Variants in TSPEAR observed in about 807,000 individuals in gnomAD.
TSPEAR encodes the protein thrombospondin type laminin G domain and EAR repeats.
Under a neutral mutation model 71.6 loss-of-function variants are expected in TSPEAR, and 69 were observed. The ratio of observed to expected loss-of-function variants is 0.96; its 90% CI spans 0.79 to 1.18. The LOEUF is 1.18. Among genes scored for constraint, TSPEAR ranks in the 50% most tolerant of loss-of-function variants. The probability of loss-of-function intolerance (pLI) is 0.00; values close to 1 mark genes in which losing one functional copy is unlikely to be tolerated. For missense variants in TSPEAR, 971 were observed against 894.9 expected (o/e 1.09, Z -1.09); for synonymous variants, 402 against 387.2 (o/e 1.04, Z -0.45).
chr21:44,545,345 TAAA>T (rs1160153692), intron 2 of TSPEAR, among the ~76,000 whole-genome samples: 1 of 147,386 alleles, frequency 6.8e-6, no homozygotes, highest in Non-Finnish European at 1.5e-5. Context: ...ATTAATTAAT[TAAA>T]AAAAAAAGAA....
chr21:44,557,671 C>T (rs1295894989), intron 2 of TSPEAR: 5 of 266,886 alleles, frequency 1.9e-5, no homozygotes, highest in South Asian at 1.2e-4. Context: ...GGACTGCCTC[C>T]GCCCCTGGTG....
At chr21:44,569,687 C>A (rs9975133) in intron 1 of TSPEAR, among the ~76,000 whole-genome samples, 1,757 of 152,208 alleles carry the variant, frequency 0.012, 35 homozygotes, top group African/African-American at 0.04. Context: ...TGTGAGGAGG[C>A]TTTGCCGCTT....
Position 44,642,742 on chromosome 21 carries a change from T to C in TSPEAR, c.82+68691A>G, listed in dbSNP as rs1356297777. Among the ~76,000 whole-genome samples, 3 of 151,932 alleles carry C rather than the reference T, an allele frequency of 2.0e-5. No homozygotes were observed. Among genetic ancestry groups the C allele is most frequent in the Admixed American group, 1.3e-4 (2 of 15,254 alleles). The stretch of plus-strand genomic sequence containing the variant: ...CTGTAGTCCCAGCTACCTGGGAGGC[T>C]GAGGCAGGAGAATGGCGTGAACCTG... On this transcript the variant is annotated intron_variant, in intron 1 of 11. Coordinates refer to ENST00000323084, the MANE Select transcript of TSPEAR (RefSeq NM_144991.3). This position sits in a 1 kb window ranked among gnomAD's most constrained non-coding sequence, Gnocchi z 4.1.
chr21:44,582,719 T>C (rs1979066336), intron 1 of TSPEAR, among the ~76,000 whole-genome samples: 1 of 152,240 alleles, frequency 6.6e-6, no homozygotes, highest in African/African-American at 2.4e-5. Context: ...GACGTGTCTT[T>C]TTGGATCATG....
At chr21:44,633,710 A>G (rs767745943) in intron 1 of TSPEAR, among the ~76,000 whole-genome samples, 11 of 152,190 alleles carry the variant, frequency 7.2e-5, no homozygotes, top group Non-Finnish European at 1.5e-4. Flanking sequence ...AATGTTTTAT[A>G]CACGGCCATA....
intron 1 of TSPEAR, among the ~76,000 whole-genome samples, chr21:44,667,564 G>T (rs1412030237): frequency 1.3e-5 from 2 of 152,220 alleles, no homozygotes; most frequent in African/African-American, 4.8e-5. Context: ...ACAGCTCTAA[G>T]GAAATCAAGC....
chr21:44,639,504 G>A (rs2146225194), intron 1 of TSPEAR, among the ~76,000 whole-genome samples: 1 of 152,328 alleles, frequency 6.6e-6, no homozygotes, highest in Non-Finnish European at 1.5e-5. Context: ...CCGTCCCCAG[G>A]GCTGGTGGCC....
intron 1 of TSPEAR, among the ~76,000 whole-genome samples, chr21:44,573,455 G>A (rs1978291986): frequency 6.6e-6 from 1 of 152,186 alleles, no homozygotes; most frequent in Admixed American, 6.5e-5. Flanking sequence ...GAGCAAAGCA[G>A]CACAGCCTGA....
At chr21:44,521,781 G>T in intron 9 of TSPEAR, 102 bp downstream of exon 9, 1 of 1,125,200 alleles carries the variant, frequency 8.9e-7, no homozygotes, top group Non-Finnish European at 1.3e-6. Flanking sequence ...CACTAGGTTT[G>T]GCTCTCGGTG....
chr21:44,566,380 G>A (rs955686528), intron 2 of TSPEAR, among the ~76,000 whole-genome samples: 1 of 151,988 alleles, frequency 6.6e-6, no homozygotes, highest in South Asian at 2.1e-4. Context: ...AGCATCATAC[G>A]TTCATTAATC....
intron 8 of TSPEAR, among the ~76,000 whole-genome samples, chr21:44,522,833 G>C (rs1243594259): frequency 3.3e-5 from 5 of 152,236 alleles, no homozygotes; most frequent in African/African-American, 7.2e-5. Context: ...CCACACACCT[G>C]GCCATGCCAG....
intron 8 of TSPEAR, among the ~76,000 whole-genome samples, chr21:44,524,678 TAATTAGTC>T (rs2052810831): frequency 1.4e-5 from 2 of 140,744 alleles, no homozygotes; most frequent in African/African-American, 6.5e-5. Flanking sequence ...GTCAGTTAGG[TAATTAGTC>T]AGTCAGCTAG....
At chr21:44,703,574 C>T (rs1196947273) in intron 1 of TSPEAR, among the ~76,000 whole-genome samples, 1 of 152,212 alleles carries the variant, frequency 6.6e-6, no homozygotes, top group Non-Finnish European at 1.5e-5. Context: ...TGGGGCCTCC[C>T]TCTCCCCGGG....
intron 1 of TSPEAR, among the ~76,000 whole-genome samples, chr21:44,707,910 C>A (rs1332571191): frequency 1.3e-5 from 2 of 151,942 alleles, no homozygotes; most frequent in African/African-American, 4.8e-5. Flanking sequence ...CCCTCAGCCT[C>A]GGTCCCCCAC....
chr21:44,705,726 A>G (rs1987879597), intron 1 of TSPEAR, among the ~76,000 whole-genome samples: 1 of 152,186 alleles, frequency 6.6e-6, no homozygotes, highest in African/African-American at 2.4e-5. Flanking sequence ...TCCTGATAAG[A>G]TGTTATCAAT....
At chr21:44,647,775 C>T (rs917573931) in intron 1 of TSPEAR, 10 of 236,544 alleles carry the variant, frequency 4.2e-5, no homozygotes, top group African/African-American at 2.2e-4. Context: ...AGATCAAACA[C>T]TTGGAAGACA....
chr21:44,596,806 G>A (rs1980395337), intron 1 of TSPEAR, among the ~76,000 whole-genome samples: 1 of 152,112 alleles, frequency 6.6e-6, no homozygotes, highest in Non-Finnish European at 1.5e-5. Flanking sequence ...AATTGTCTCT[G>A]TATCCTTTGC....
rs1982575672 is a variant in TSPEAR at position 44,623,435 on chromosome 21, C to G, written c.83-55430G>C. Among the ~76,000 whole-genome samples, 1 of 152,220 alleles carries G rather than the reference C, an allele frequency of 6.6e-6. No individual in the cohort carries two copies. Among genetic ancestry groups the G allele is most frequent in the South Asian group, 2.1e-4 (1 of 4,836 alleles). On this transcript the variant is annotated intron_variant, in intron 1 of 11. Transcript: ENST00000323084. The surrounding 1 kb of genome is among the most constrained non-coding windows in gnomAD (Gnocchi z 4.5). ...TTTGTGATCTTCTTGCCATGTATTTCATTTCTATAAATATTTTACAACTTC... is the reference window on the plus strand; with the variant it reads ...TTTGTGATCTTCTTGCCATGTATTTGATTTCTATAAATATTTTACAACTTC...
rs144785486 is a variant in TSPEAR, at chr21:44,583,916, T to A, written c.83-15911A>T. Among the ~76,000 whole-genome samples, 7 of 152,306 alleles carry A rather than the reference T, an allele frequency of 4.6e-5. No homozygotes were observed. The East Asian group carries it at 1.2e-3, about 25-fold the overall frequency. ...CAAATTTCAGTGTTACTGCGTCACA[T>A]TCTGTGTTACAGTCAACTGTCCCCG... On this transcript the variant is annotated intron_variant, in intron 1 of 11. Transcript: ENST00000323084.
Sources: gnomAD v4.1 joint callset for allele counts (sites outside exome capture counted in the v4.1 genomes callset) on GRCh38, gnomAD v4.1.1 for gene constraint, Gnocchi (gnomAD v3.1) non-coding constraint, MANE v1.5 for transcripts, NCBI Gene and HGNC (gene_info 2026-07-23, HGNC 2026-07-21) for gene names.